The following KLHL1 variants were observed in gnomAD, a reference collection of about 807,000 sequenced individuals.
KLHL1 encodes kelch like family member 1.
KLHL1 carries 47 observed loss-of-function variants against 77.7 expected under a neutral mutation model. The observed-to-expected ratio is 0.60, with a 90% CI of 0.48 to 0.77. KLHL1 has a LOEUF of 0.77. KLHL1 is among the 30% of genes least tolerant of loss of function. The pLI is 0.00. For synonymous variants in KLHL1, 360 were observed against 325.2 expected (o/e 1.11, Z -1.15); for missense variants, 925 against 910.8 (o/e 1.02, Z -0.20).
At chr13:69,848,820 A>G (rs1879572275) in intron 5 of KLHL1, among the ~76,000 whole-genome samples, 1 of 151,582 alleles carries the variant, frequency 6.6e-6, no homozygotes, top group Non-Finnish European at 1.5e-5. Context: ...AGCTGACAGT[A>G]TAAGTACAGA....
At position 70,041,719 on chromosome 13, in the gene KLHL1, C is replaced by T. The variant is rs75720863; in HGVS notation, c.497+65484G>A. On this transcript the variant is annotated intron_variant, in intron 1 of 10. Transcript: ENST00000377844. ...CTACCCCAGTGGAGTGGGGTAGAAA[C>T]GCCTTGTCACTCCTTGGTGGGCCTA... is the stretch of plus-strand genomic sequence containing the variant. Among the ~76,000 whole-genome samples, 486 of 152,112 alleles carry T rather than the reference C, an allele frequency of 3.2e-3. 3 individuals are homozygous for T. Among genetic ancestry groups the T allele is most frequent in the African/African-American group, 9.9e-3 (410 of 41,504 alleles).
chr13:69,945,291 C>G (rs80015632), intron 3 of KLHL1, among the ~76,000 whole-genome samples: 21,030 of 151,644 alleles, frequency 0.14, 2,407 homozygotes, highest in African/African-American at 0.29. Flanking sequence ...ACTTCCATAA[C>G]CAAACTTTGT....
chr13:69,707,008 A>G (rs1875657180), intron 10 of KLHL1, among the ~76,000 whole-genome samples: 1 of 151,950 alleles, frequency 6.6e-6, no homozygotes, highest in Non-Finnish European at 1.5e-5. Context: ...TAAACCAGTC[A>G]TGTTACTCCA....
chr13:70,070,853 A>G (rs1411461031), intron 1 of KLHL1, among the ~76,000 whole-genome samples: 1 of 152,064 alleles, frequency 6.6e-6, no homozygotes, highest in Non-Finnish European at 1.5e-5. Flanking sequence ...TGCAATGGGG[A>G]CTTGAATTAC....
intron 8 of KLHL1, among the ~76,000 whole-genome samples, chr13:69,730,135 T>G (rs1021816125): frequency 6.6e-5 from 10 of 152,152 alleles, no homozygotes; most frequent in African/African-American, 2.4e-4. Flanking sequence ...TATTTCTGAT[T>G]AAGATTGGAG....
At chr13:69,962,361 A>G (rs1171627801) in intron 2 of KLHL1, among the ~76,000 whole-genome samples, 1 of 151,898 alleles carries the variant, frequency 6.6e-6, no homozygotes, top group African/African-American at 2.4e-5. Context: ...TGATTCTGCT[A>G]TTTCTTTTTA....
chr13:69,950,572 G>A (rs1466914367), intron 3 of KLHL1, among the ~76,000 whole-genome samples: 9 of 151,390 alleles, frequency 5.9e-5, no homozygotes, highest in Admixed American at 2.6e-4. Context: ...TAAGAACAGT[G>A]AAAAAATAAT....
At chr13:70,049,053 A>G (rs1332057449) in intron 1 of KLHL1, among the ~76,000 whole-genome samples, 2 of 152,172 alleles carry the variant, frequency 1.3e-5, no homozygotes, top group Admixed American at 6.5e-5. Flanking sequence ...CATTGAATGC[A>G]CTATCTTTAG....
intron 4 of KLHL1, among the ~76,000 whole-genome samples, chr13:69,912,388 T>C (rs1022587956): frequency 7.2e-5 from 11 of 152,180 alleles, no homozygotes; most frequent in Non-Finnish European, 1.2e-4. Flanking sequence ...GCTGGTAGTA[T>C]CAGAAAAAAA....
intron 6 of KLHL1, among the ~76,000 whole-genome samples, chr13:69,834,735 G>A (rs1878915196): frequency 6.6e-6 from 1 of 152,008 alleles, no homozygotes; most frequent in African/African-American, 2.4e-5. Context: ...TCTATCATTT[G>A]AAGAAGAGAA....
intron 1 of KLHL1, among the ~76,000 whole-genome samples, chr13:69,987,082 A>G (rs1036916399): frequency 6.6e-6 from 1 of 152,018 alleles, no homozygotes; most frequent in Non-Finnish European, 1.5e-5. Context: ...AATTTATTAT[A>G]TATCATCTAA....
chr13:69,884,940 T>TTTG, intron 4 of KLHL1, among the ~76,000 whole-genome samples: 1 of 133,386 alleles, frequency 7.5e-6, no homozygotes, highest in Non-Finnish European at 1.5e-5. Context: ...TTTTCTTTTT[T>TTTG]TTTTTTTTTT....
intron 2 of KLHL1, among the ~76,000 whole-genome samples, chr13:69,965,869 C>T (rs1475702699): frequency 6.6e-6 from 1 of 152,042 alleles, no homozygotes; most frequent in African/African-American, 2.4e-5. Context: ...AGAGTAAGGC[C>T]CTAACTCTCT....
chr13:69,729,662 G>C (rs531912927), intron 8 of KLHL1, among the ~76,000 whole-genome samples: 1 of 152,076 alleles, frequency 6.6e-6, no homozygotes, highest in African/African-American at 2.4e-5. Flanking sequence ...AAAGTACCCA[G>C]ACATTAATAG....
intron 4 of KLHL1, among the ~76,000 whole-genome samples, chr13:69,923,836 C>G (rs1228104117): frequency 6.6e-6 from 1 of 152,134 alleles, no homozygotes. Context: ...GTTTGCACTT[C>G]CCAGGCGCAG....
At chr13:69,754,417 A>G (rs534713290) in intron 7 of KLHL1, among the ~76,000 whole-genome samples, 3 of 152,316 alleles carry the variant, frequency 2.0e-5, no homozygotes, top group African/African-American at 7.2e-5. Flanking sequence ...ATATACAAAT[A>G]TCCGAACTTA....
At chr13:69,858,526 G>A (rs1880011368) in intron 5 of KLHL1, among the ~76,000 whole-genome samples, 1 of 152,010 alleles carries the variant, frequency 6.6e-6, no homozygotes, top group African/African-American at 2.4e-5. Flanking sequence ...ATCTAGAAGA[G>A]CATATTTAAT....
chr13:70,028,775 G>A (rs1413324959), intron 1 of KLHL1, among the ~76,000 whole-genome samples: 4 of 152,132 alleles, frequency 2.6e-5, no homozygotes, highest in Non-Finnish European at 5.9e-5. Flanking sequence ...CCAGGAGACT[G>A]AGACCAACCT....
intron 3 of KLHL1, among the ~76,000 whole-genome samples, chr13:69,949,006 A>C (rs1262709668): frequency 6.6e-6 from 1 of 151,932 alleles, no homozygotes. Flanking sequence ...GTATTTTAAA[A>C]ATATAGTTTT....
Sources: gnomAD v4.1 joint callset for allele counts (sites outside exome capture counted in the v4.1 genomes callset) on GRCh38, gnomAD v4.1.1 for gene constraint, MANE v1.5 for transcripts, NCBI Gene and HGNC (gene_info 2026-07-23, HGNC 2026-07-21) for gene names.